Variants in FOXP1 observed in about 807,000 individuals in gnomAD.
FOXP1 encodes the protein forkhead box protein P1.
A neutral mutation model predicts 98.2 loss-of-function variants in FOXP1; 15 were observed. The observed-to-expected ratio is 0.15, with a 90% confidence interval of 0.10 to 0.24. The LOEUF is 0.24. Among genes scored for constraint, FOXP1 ranks in the 10% least tolerant of loss-of-function variants. FOXP1 has a pLI of 1.00. For synonymous variants in FOXP1, 371 were observed against 314.5 expected (o/e 1.18, Z -1.90); for missense variants, 633 against 848.5 (o/e 0.75, Z 3.15).
intron 3 of FOXP1, among the ~76,000 whole-genome samples, chr3:71,436,023 G>T (rs186963117): frequency 3.3e-5 from 5 of 151,676 alleles, no homozygotes; most frequent in African/African-American, 1.2e-4. Context: ...AGGAAGAAAG[G>T]GGGGAGAATC....
At chr3:71,249,479 T>C (rs1431617149) in intron 5 of FOXP1, among the ~76,000 whole-genome samples, 1 of 152,246 alleles carries the variant, frequency 6.6e-6, no homozygotes, top group Non-Finnish European at 1.5e-5. Flanking sequence ...ATTATTTCCA[T>C]TTTGAAAATG....
intron 3 of FOXP1, among the ~76,000 whole-genome samples, chr3:71,451,487 T>A (rs915682691): frequency 6.6e-6 from 1 of 152,138 alleles, no homozygotes; most frequent in African/African-American, 2.4e-5. Context: ...AAAGACATCT[T>A]AAAGAATTTT....
At chr3:71,402,879 G>A (rs2082040281) in intron 3 of FOXP1, among the ~76,000 whole-genome samples, 1 of 152,222 alleles carries the variant, frequency 6.6e-6, no homozygotes, top group African/African-American at 2.4e-5. Flanking sequence ...ACAGGATGCA[G>A]ATGACTGCTA....
chr3:71,073,452 G>A (rs779681766), intron 7 of FOXP1, among the ~76,000 whole-genome samples: 3 of 152,066 alleles, frequency 2.0e-5, no homozygotes, highest in South Asian at 2.1e-4. Flanking sequence ...ACATTCTTAC[G>A]ACAACCTATG....
At chr3:71,305,512 CAG>C (rs1423032602) in intron 4 of FOXP1, among the ~76,000 whole-genome samples, 2 of 152,158 alleles carry the variant, frequency 1.3e-5, no homozygotes, top group African/African-American at 4.8e-5. Context: ...AATACAGCGG[CAG>C]AGTTTCTGTT....
intron 20 of FOXP1, among the ~76,000 whole-genome samples, chr3:70,959,987 G>C (rs1177682252): frequency 4.6e-5 from 7 of 152,332 alleles, no homozygotes; most frequent in Non-Finnish European, 1.0e-4. Context: ...TGCAACGGCA[G>C]TTTGTGGGGA....
intron 12 of FOXP1, among the ~76,000 whole-genome samples, chr3:71,010,878 T>C (rs879496540): frequency 2.1e-5 from 3 of 141,464 alleles, no homozygotes; most frequent in Non-Finnish European, 4.6e-5. Flanking sequence ...CAGGTGGTTT[T>C]TACTTGAACC....
chr3:70,966,163 T>G, intron 19 of FOXP1, 107 bp from the exon 20 acceptor site: 2 of 1,011,404 alleles, frequency 2.0e-6, no homozygotes, highest in East Asian at 2.5e-5. Flanking sequence ...AATTGTAGCA[T>G]GGCTGGCAAA....
At chr3:71,492,377 G>T (rs1284489014) in intron 3 of FOXP1, among the ~76,000 whole-genome samples, 1 of 151,806 alleles carries the variant, frequency 6.6e-6, no homozygotes, top group Non-Finnish European at 1.5e-5. Context: ...GCTTGAACCT[G>T]GGAGGCGGAG....
intron 4 of FOXP1, among the ~76,000 whole-genome samples, chr3:71,345,397 T>TATAC (rs1209148446): frequency 7.1e-6 from 1 of 141,748 alleles, no homozygotes; most frequent in Non-Finnish European, 1.5e-5. Flanking sequence ...CAAATATATA[T>TATAC]ACACACACAC....
At chr3:71,247,736 C>G (rs2067864472) in intron 5 of FOXP1, among the ~76,000 whole-genome samples, 1 of 152,178 alleles carries the variant, frequency 6.6e-6, no homozygotes, top group Non-Finnish European at 1.5e-5. Context: ...ATTCTCCACT[C>G]TCAGTCCTAA....
At chr3:71,010,211 A>T (rs2043386492) in intron 12 of FOXP1, among the ~76,000 whole-genome samples, 1 of 152,066 alleles carries the variant, frequency 6.6e-6, no homozygotes, top group Non-Finnish European at 1.5e-5. Flanking sequence ...CTTTCTTTAC[A>T]TCCACTGCCA....
At chr3:71,069,772 G>T (rs1334035705) in intron 7 of FOXP1, among the ~76,000 whole-genome samples, 1 of 152,168 alleles carries the variant, frequency 6.6e-6, no homozygotes. Context: ...AAGAAAAGAC[G>T]GCTCTTGGGG....
chr3:71,466,511 C>A (rs2088756712), intron 3 of FOXP1, among the ~76,000 whole-genome samples: 1 of 152,220 alleles, frequency 6.6e-6, no homozygotes, highest in African/African-American at 2.4e-5. Flanking sequence ...GCTAAAATGA[C>A]AGTCCAAGCA....
intron 3 of FOXP1, among the ~76,000 whole-genome samples, chr3:71,457,233 TAA>T (rs1333161042): frequency 6.6e-6 from 1 of 152,136 alleles, no homozygotes; most frequent in Non-Finnish European, 1.5e-5. Flanking sequence ...AGCAATCCAA[TAA>T]AATCAAAGTC....
At chr3:71,540,489 A>C (rs964739491) in intron 2 of FOXP1, among the ~76,000 whole-genome samples, 18 of 152,364 alleles carry the variant, frequency 1.2e-4, no homozygotes, top group Admixed American at 6.5e-5. Context: ...CTTTGTTGTC[A>C]AGGGTAACAG....
intron 7 of FOXP1, among the ~76,000 whole-genome samples, chr3:71,064,232 C>A (rs1488915594): frequency 6.6e-6 from 1 of 152,158 alleles, no homozygotes; most frequent in Non-Finnish European, 1.5e-5. Flanking sequence ...CGAATTTGAA[C>A]AGCTAAGCTG....
chr3:71,239,909 T>C (rs2067106348), intron 5 of FOXP1, among the ~76,000 whole-genome samples: 2 of 152,122 alleles, frequency 1.3e-5, no homozygotes, highest in Non-Finnish European at 2.9e-5. Context: ...GCCATGGCAA[T>C]ACCAGGAAAT....
chr3:70,965,020 G>A (rs1165385113), intron 20 of FOXP1, among the ~76,000 whole-genome samples: 2 of 152,176 alleles, frequency 1.3e-5, no homozygotes, highest in African/African-American at 2.4e-5. Context: ...TCTAGGAACT[G>A]ACAGTACTGC....
Sources: gnomAD v4.1 joint callset for allele counts (sites outside exome capture counted in the v4.1 genomes callset) on GRCh38, gnomAD v4.1.1 for gene constraint, MANE v1.5 for transcripts, NCBI Gene and HGNC (gene_info 2026-07-23, HGNC 2026-07-21) for gene names.